Variants in SPTBN1 observed in about 807,000 individuals in gnomAD.
SPTBN1 encodes the protein spectrin beta chain, non-erythrocytic 1.
A neutral mutation model predicts 266.4 loss-of-function variants in SPTBN1; 32 were observed. The observed-to-expected ratio is 0.12, with a 90% confidence interval of 0.09 to 0.16. SPTBN1 has a LOEUF of 0.16. Ranked by LOEUF, SPTBN1 falls within the 10% of genes least tolerant of loss-of-function variation. SPTBN1 has a pLI of 1.00. For missense variants in SPTBN1, 2,296 were observed against 3,067.1 expected, an observed-to-expected ratio of 0.75 and a Z score of 5.94; for synonymous variants, 1,336 against 1,162.2, an observed-to-expected ratio of 1.15 and a Z score of -3.04.
intron 1 of SPTBN1, among the ~76,000 whole-genome samples, chr2:54,478,324 A>G (rs1368345879): frequency 6.6e-6 from 1 of 151,790 alleles, no homozygotes; most frequent in Admixed American, 6.6e-5. Context: ...CCTTTGAGAG[A>G]GGATTGTTTT....
chr2:54,623,155 A>C (rs928421746), intron 9 of SPTBN1, among the ~76,000 whole-genome samples: 2 of 152,238 alleles, frequency 1.3e-5, no homozygotes. Flanking sequence ...GACATTTGAA[A>C]TAATCCGTGT....
intron 9 of SPTBN1, among the ~76,000 whole-genome samples, chr2:54,622,993 TCA>T (rs1159992833): frequency 5.3e-5 from 8 of 152,230 alleles, no homozygotes; most frequent in African/African-American, 1.9e-4. Flanking sequence ...TGATTTTTTT[TCA>T]TATCTTTTTT....
At chr2:54,621,793 T>G (rs997098572) in intron 8 of SPTBN1, among the ~76,000 whole-genome samples, 1 of 152,214 alleles carries the variant, frequency 6.6e-6, no homozygotes, top group Admixed American at 6.5e-5. Context: ...AGTTGCCTAA[T>G]GTCATGGGTG....
rs147038754 is a variant in SPTBN1 at position 54,653,671 on chromosome 2, C to T, written c.5640C>T (p.Asp1880=). 65 of 1,613,998 alleles carry T rather than the reference C, an allele frequency of 4.0e-5. No homozygotes were observed. In the African/African-American group the frequency reaches 7.5e-4, roughly 19 times the overall value. ...CGGCCTATGCGGGTGACAAGGCCGA[C>T]GATATCCAGAAGCGCGAGAACGAGG... is the stretch of plus-strand genomic sequence containing the variant. ...LQAAYAGDKA[D]DIQKRENEVL... Residue 1880 remains aspartate, a synonymous_variant, in exon 27 of 36, where the codon GAC becomes GAT. Transcript: ENST00000356805. The surrounding 1 kb of genome is among the most constrained non-coding windows in gnomAD (Gnocchi z 5.1).
At chr2:54,484,068 G>A (rs1377621773) in intron 1 of SPTBN1, among the ~76,000 whole-genome samples, 1 of 152,136 alleles carries the variant, frequency 6.6e-6, no homozygotes, top group Non-Finnish European at 1.5e-5. Context: ...GGTGGTATGT[G>A]CCTGTGCCTT....
chr2:54,466,696 T>C lies in SPTBN1; in HGVS notation c.-48+10178T>C, dbSNP rs1382428042. Among the ~76,000 whole-genome samples the C allele has an allele frequency of 4.6e-5, 7 of 152,254 alleles. No homozygotes were observed. In the East Asian group the frequency reaches 1.3e-3, roughly 29 times the overall value. ...CAGAAGATTTCATCTCTGTATATTT[T>C]TTTCTCCATATTTTTTAAGTTTTAG... On this transcript the variant is annotated intron_variant, in intron 1 of 35. Transcript: ENST00000356805.
At chr2:54,576,628 A>G (rs1041764293) in intron 2 of SPTBN1, among the ~76,000 whole-genome samples, 1 of 152,228 alleles carries the variant, frequency 6.6e-6, no homozygotes, top group African/African-American at 2.4e-5. Flanking sequence ...TTAGCCAAGA[A>G]TAAGTGCCGT....
intron 1 of SPTBN1, among the ~76,000 whole-genome samples, chr2:54,481,097 C>T (rs757107241): frequency 6.6e-6 from 1 of 151,688 alleles, no homozygotes; most frequent in Non-Finnish European, 1.5e-5. Flanking sequence ...CACTTGAGCC[C>T]AGGAGTTTGA....
intron 2 of SPTBN1, among the ~76,000 whole-genome samples, chr2:54,551,732 G>C (rs1672576485): frequency 3.9e-5 from 6 of 152,146 alleles, no homozygotes; most frequent in Admixed American, 3.9e-4. Flanking sequence ...GGGGGGAATG[G>C]GGGGAAGGTG....
intron 1 of SPTBN1, among the ~76,000 whole-genome samples, chr2:54,477,555 A>C (rs138180253): frequency 6.6e-6 from 1 of 152,082 alleles, no homozygotes; most frequent in Non-Finnish European, 1.5e-5. Context: ...CAGGAAACAC[A>C]CTTTTAAAGC....
chr2:54,497,501 C>T (rs1393236933), intron 1 of SPTBN1, among the ~76,000 whole-genome samples: 1 of 152,176 alleles, frequency 6.6e-6, no homozygotes, highest in Non-Finnish European at 1.5e-5. Flanking sequence ...TTCTACCATA[C>T]TTTACCTATG....
chr2:54,460,846 C>T (rs1693329787), intron 1 of SPTBN1, among the ~76,000 whole-genome samples: 1 of 152,034 alleles, frequency 6.6e-6, no homozygotes, highest in Non-Finnish European at 1.5e-5. Context: ...ACTAAAAATA[C>T]AAAAATTATC....
chr2:54,542,723 C>A (rs1672007438), intron 2 of SPTBN1, among the ~76,000 whole-genome samples: 1 of 152,118 alleles, frequency 6.6e-6, no homozygotes, highest in South Asian at 2.1e-4. Flanking sequence ...TGGCTGAGGG[C>A]TTGAGAAAGC....
At chr2:54,515,370 G>A (rs1416271474) in intron 1 of SPTBN1, among the ~76,000 whole-genome samples, 1 of 152,196 alleles carries the variant, frequency 6.6e-6, no homozygotes, top group African/African-American at 2.4e-5. Flanking sequence ...CAATTCCCCT[G>A]TCTTGATAAA....
rs1189113178 is a variant in SPTBN1 at position 54,669,785 on chromosome 2, C to G, written c.*1216C>G. On this transcript the variant is annotated 3_prime_UTR_variant, in exon 36 of 36. Transcript: ENST00000356805. ...ACATTTTACAACCAGTCTGGGCTCA[C>G]TTTTGCATTTTTTATGCATGTCTGG... 1 of 152,414 alleles carries G rather than the reference C, an allele frequency of 6.6e-6. No individual in the cohort carries two copies. Among genetic ancestry groups the G allele is most frequent in the Non-Finnish European group, 1.5e-5 (1 of 68,038 alleles). The allele number at this position is 152,414 out of a possible 1,614,324, so 9.4% of individuals were successfully genotyped here.
chr2:54,490,111 C>T (rs1188453833), intron 1 of SPTBN1, among the ~76,000 whole-genome samples: 1 of 146,694 alleles, frequency 6.8e-6, no homozygotes, highest in East Asian at 2.0e-4. Flanking sequence ...GGCGGAGTTG[C>T]ACTTGTCACC....
intron 2 of SPTBN1, among the ~76,000 whole-genome samples, chr2:54,577,813 C>T (rs1233602431): frequency 6.6e-6 from 1 of 152,186 alleles, no homozygotes; most frequent in African/African-American, 2.4e-5. Flanking sequence ...TCACCTGGTG[C>T]TTTTGTAGAT....
intron 1 of SPTBN1, among the ~76,000 whole-genome samples, chr2:54,492,716 T>C (rs1668755779): frequency 6.6e-6 from 1 of 152,214 alleles, no homozygotes; most frequent in Non-Finnish European, 1.5e-5. Flanking sequence ...CAAGCAAAGA[T>C]ACCCCCAGCC....
chr2:54,620,808 G>A (rs1293604862), intron 7 of SPTBN1, among the ~76,000 whole-genome samples: 1 of 152,174 alleles, frequency 6.6e-6, no homozygotes, highest in Non-Finnish European at 1.5e-5. Flanking sequence ...GAGGACTGAA[G>A]CGCTTATAGT....
Sources: gnomAD v4.1 joint callset for allele counts (sites outside exome capture counted in the v4.1 genomes callset) on GRCh38, gnomAD v4.1.1 for gene constraint, Gnocchi (gnomAD v3.1) non-coding constraint, MANE v1.5 for transcripts, NCBI Gene and HGNC (gene_info 2026-07-23, HGNC 2026-07-21) for gene names.